NPAS1: variants seen among roughly 807,000 people sequenced by gnomAD.
NPAS1 encodes neuronal PAS domain protein 1, also known as neuronal PAS domain-containing protein 1.
In NPAS1, 29 loss-of-function variants were observed where a neutral mutation model predicts 49.2. The ratio of observed to expected loss-of-function variants is 0.59; its 90% CI spans 0.44 to 0.80. The LOEUF is 0.80. Ranked by LOEUF, NPAS1 falls within the 30% of genes least tolerant of loss-of-function variation. The pLI is 0.00. For synonymous variants in NPAS1, 408 were observed against 380.4 expected, an observed-to-expected ratio of 1.07 and a Z score of -0.84; for missense variants, 825 against 835.5, an observed-to-expected ratio of 0.99 and a Z score of 0.15.
At chr19:47,040,662 CA>C in intron 9 of NPAS1, 112 bp downstream of exon 9, 1 of 703,738 alleles carries the variant, frequency 1.4e-6, no homozygotes. Context: ...CCTCCTGCTG[CA>C]CCTACAGCTC....
intron 3 of NPAS1, among the ~76,000 whole-genome samples, chr19:47,022,601 C>G (rs1394986123): frequency 7.3e-6 from 1 of 137,270 alleles, no homozygotes; most frequent in East Asian, 2.2e-4. Context: ...GGGTTCGGGG[C>G]ATGGAGGAGG....
chr19:47,038,942 C>A, intron 6 of NPAS1, 94 bp from the exon 7 acceptor site: 1 of 1,068,236 alleles, frequency 9.4e-7, no homozygotes. Flanking sequence ...CAGCGGACAT[C>A]TTGTGTCTAT....
In NPAS1 at chr19:47,040,495, C is replaced by G. The variant is rs749656138; in HGVS notation, c.1014C>G (p.Cys338Trp). ...LGPSELVGRSCYQFVHGQDAT... is the reference protein window; with the variant it reads ...LGPSELVGRSWYQFVHGQDAT... Reference sequence around the variant, plus strand: ...CCTCAGAGCTGGTGGGCCGCAGCTGCTACCAGTTTGTCCACGGACAGGACG... The same window carrying G: ...CCTCAGAGCTGGTGGGCCGCAGCTGGTACCAGTTTGTCCACGGACAGGACG... The change falls in exon 9 of 12, where the codon TGC becomes TGG. Residue 338 changes from cysteine (C) to tryptophan (W), a missense_variant. By Grantham distance (215) the Cys-to-Trp change is radical. Transcript: ENST00000602212. The G allele has an allele frequency of 6.2e-7, 1 of 1,605,316 alleles. No homozygotes were observed. The highest frequency in any genetic ancestry group is 1.7e-5 in the Admixed American group (1 of 58,688).
In NPAS1 at chr19:47,039,273, AT is replaced by A; in HGVS notation, c.804+123del. On this transcript the variant is annotated intron_variant, in intron 7 of 11. Transcript: ENST00000602212. ...GTGGCTTAGGGAACTGGGTCTGGGA[AT>A]GGGACTGGGGGGGTCACACAGTGTC... is the stretch of plus-strand genomic sequence containing the variant. The A allele has an allele frequency of 2.0e-6, 3 of 1,466,584 alleles. No homozygotes were observed. In the Middle Eastern group the frequency reaches 7.5e-4, roughly 366 times the overall value. 90.8% of individuals were successfully genotyped at this position (1,466,584 alleles called of 1,614,324 possible). A position where few individuals can be genotyped will look rare whatever the true frequency, so the allele number is the denominator to read the frequency against.
intron 8 of NPAS1, among the ~76,000 whole-genome samples, chr19:47,039,859 C>A (rs1369385781): frequency 1.3e-5 from 2 of 152,144 alleles, no homozygotes; most frequent in Non-Finnish European, 2.9e-5. Context: ...TTTCTCATTT[C>A]TCTGGTCTTT....
intron 3 of NPAS1, 60 bp from the exon 4 acceptor site, chr19:47,032,218 G>T: frequency 6.7e-7 from 1 of 1,495,298 alleles, no homozygotes. Flanking sequence ...TGGCTCCCGG[G>T]GGACCTGCCC....
chr19:47,042,804 C>T lies in NPAS1; in HGVS notation c.1218-6C>T. The T allele has an allele frequency of 6.2e-7, 1 of 1,601,130 alleles. No homozygotes were observed. The highest frequency in any genetic ancestry group is 8.5e-7 in the Non-Finnish European group (1 of 1,173,898). Reference sequence around the variant, plus strand: ...TGGCTCCTAACCGCATCCATCTTCTCCCCAGCCAAGCCGAGGGTGGCCAAA... The same window carrying T: ...TGGCTCCTAACCGCATCCATCTTCTTCCCAGCCAAGCCGAGGGTGGCCAAA... On this transcript the variant is annotated splice_polypyrimidine_tract_variant and splice_region_variant and intron_variant, in intron 10 of 11. Transcript: ENST00000602212.
At chr19:47,038,159 C>T (rs2056978043) in intron 6 of NPAS1, among the ~76,000 whole-genome samples, 2 of 152,180 alleles carry the variant, frequency 1.3e-5, no homozygotes, top group Admixed American at 6.5e-5. Flanking sequence ...GCTTTCCTCT[C>T]AAGGCCTCAG....
intron 7 of NPAS1, 128 bp downstream of exon 7, chr19:47,039,279 C>G: frequency 3.4e-6 from 5 of 1,473,314 alleles, no homozygotes; most frequent in Non-Finnish European, 4.6e-6. Context: ...GGGAATGGGA[C>G]TGGGGGGGTC....
chr19:47,027,617 CCCGTCTCTCTGCCCCTGGTCTCCCGT>C lies in NPAS1; in HGVS notation c.359-4659_359-4634del, dbSNP rs1425470321. 2.5e-3 allele frequency among the ~76,000 whole-genome samples: 172 copies of C among 67,484 alleles called. 26 individuals carry two copies. Among genetic ancestry groups the C allele is most frequent in the African/African-American group, 7.8e-3 (125 of 15,956 alleles). The allele number at this position is 67,484 out of a possible 152,430, so 44.3% of individuals were successfully genotyped here. A position where few individuals can be genotyped will look rare whatever the true frequency, so the allele number is the denominator to read the frequency against. ...TCTCCCGTCTCTCTGCCCCTGGTCT[CCCGTCTCTCTGCCCCTGGTCTCCCGT>C]CTGTCTGCCCCTGGTCTCCCTTCTC... On this transcript the variant is annotated intron_variant, in intron 3 of 11. Transcript: ENST00000602212.
intron 5 of NPAS1, among the ~76,000 whole-genome samples, chr19:47,033,800 C>T (rs1041618978): frequency 6.8e-6 from 1 of 147,676 alleles, no homozygotes; most frequent in Non-Finnish European, 1.5e-5. Context: ...CCACCCCCAC[C>T]CCCACCATCT....
intron 5 of NPAS1, chr19:47,035,291 C>G (rs1389289511): frequency 6.6e-6 from 1 of 152,384 alleles, no homozygotes; most frequent in Non-Finnish European, 1.5e-5. Context: ...AGAGGGATAA[C>G]GGACTGAGGG....
intron 10 of NPAS1, among the ~76,000 whole-genome samples, chr19:47,042,484 C>T (rs2057032101): frequency 6.6e-6 from 1 of 152,132 alleles, no homozygotes. Context: ...CTTTGCTGAG[C>T]CCGGATTTGG....
At chr19:47,020,058 T>C in intron 1 of NPAS1, 61 bp downstream of exon 1, 2 of 124,520 alleles carry the variant, frequency 1.6e-5, no homozygotes, top group Non-Finnish European at 1.4e-5. Context: ...AATGGGGGGC[T>C]GGAACTCCAG....
intron 3 of NPAS1, among the ~76,000 whole-genome samples, chr19:47,027,188 TC>T (rs1411318293): frequency 6.6e-6 from 1 of 152,106 alleles, no homozygotes; most frequent in Non-Finnish European, 1.5e-5. Flanking sequence ...CTCCCCGACT[TC>T]CCTGGGTGAT....
intron 3 of NPAS1, among the ~76,000 whole-genome samples, chr19:47,031,667 A>G (rs1353228219): frequency 2.0e-5 from 3 of 151,418 alleles, no homozygotes; most frequent in Admixed American, 1.3e-4. Flanking sequence ...AGTAGCCAGG[A>G]CTACAGGCGC....
Position 47,040,985 on chromosome 19 carries a change from C to A in NPAS1, c.1077C>A (p.Asp359Glu), listed in dbSNP as rs1467949101. ...TCCCTGGGCTGGGCCCAGTGCTGGA[C>A]AAGGGTCAGGTGATGACTGGTTACT... ...RIRQSHVDLLDKGQVMTGYYR... is the reference protein window; with the variant it reads ...RIRQSHVDLLEKGQVMTGYYR... Residue 359 changes from aspartate (D) to glutamate (E), a missense_variant, in exon 10 of 12, where the codon GAC becomes GAA. By Grantham distance (45) the Asp-to-Glu change is conservative. Transcript: ENST00000602212. 3 of 1,496,612 alleles carry A rather than the reference C, an allele frequency of 2.0e-6. No homozygotes were observed. The highest frequency in any genetic ancestry group is 1.8e-6 in the Non-Finnish European group (2 of 1,121,736). The allele number at this position is 1,496,612 out of a possible 1,614,324, so 92.7% of individuals were successfully genotyped here. A position where few individuals can be genotyped will look rare whatever the true frequency, so the allele number is the denominator to read the frequency against.
At chr19:47,030,018 T>A (rs1361038510) in intron 3 of NPAS1, among the ~76,000 whole-genome samples, 1 of 151,986 alleles carries the variant, frequency 6.6e-6, no homozygotes, top group Non-Finnish European at 1.5e-5. Flanking sequence ...TTGTTTTGTT[T>A]TTGTTTTTGT....
At position 47,021,603 on chromosome 19, in the gene NPAS1, C is replaced by T; in HGVS notation, c.123-9C>T. The T allele has an allele frequency of 6.8e-7, 1 of 1,474,518 alleles. No homozygotes were observed. Among genetic ancestry groups the T allele is most frequent in the Non-Finnish European group, 9.0e-7 (1 of 1,113,480 alleles). 91.3% of individuals were successfully genotyped at this position (1,474,518 alleles called of 1,614,324 possible). A position where few individuals can be genotyped will look rare whatever the true frequency, so the allele number is the denominator to read the frequency against. ...CCCCGCCGACACCTCCTCCGCGCCG[C>T]CCGCCCAGCCTGCAGGCGCAGCGCA... On this transcript the variant is annotated splice_polypyrimidine_tract_variant and intron_variant, in intron 2 of 11. Transcript: ENST00000602212. This position sits in a 1 kb window ranked among gnomAD's most constrained non-coding sequence, Gnocchi z 5.7.
Sources: allele counts gnomAD v4.1 joint callset (sites outside exome capture counted in the v4.1 genomes callset), GRCh38; gene constraint gnomAD v4.1.1; non-coding constraint Gnocchi (gnomAD v3.1); transcripts MANE v1.5; gene names NCBI Gene and HGNC (gene_info 2026-07-23, HGNC 2026-07-21).